Variants in EOMES observed in about 807,000 individuals in gnomAD.
EOMES encodes the protein eomesodermin homolog.
In EOMES, 18 loss-of-function variants were observed where a neutral mutation model predicts 61.0. That is an observed-to-expected ratio of 0.30 (90% CI 0.20 to 0.44). The LOEUF (loss-of-function observed/expected upper bound fraction) is 0.44. EOMES is among the 20% of genes least tolerant of loss of function. The pLI is 1.00. For missense variants in EOMES, 885 were observed against 939.2 expected (o/e 0.94, Z 0.75); for synonymous variants, 430 against 394.0 (o/e 1.09, Z -1.08).
chr3:27,721,794 C>T lies in EOMES; in HGVS notation c.501G>A (p.Ala167=). 6.7e-7 allele frequency: 1 copy of T among 1,503,140 alleles called. No homozygotes were observed. The highest frequency in any genetic ancestry group is 1.3e-5 in the South Asian group (1 of 75,542). The allele number at this position is 1,503,140 out of a possible 1,614,324, so 93.1% of individuals were successfully genotyped here. A position where few individuals can be genotyped will look rare whatever the true frequency, so the allele number is the denominator to read the frequency against. The part of the protein sequence containing the change: ...AAPCSLFPYQ[A]AAGAPHGPVY... ...CAGGTCCGTGGGGCGCCCCAGCCGC[C>T]GCCTGGTACGGGAAGAGTGAGCAGG... The change falls in exon 1 of 6, where the codon GCG becomes GCA. Residue 167 remains alanine, a synonymous_variant. Transcript: ENST00000449599. The surrounding 1 kb of genome is among the most constrained non-coding windows in gnomAD (Gnocchi z 7.4).
chr3:27,722,194 C>A lies in EOMES; in HGVS notation c.101G>T (p.Gly34Val), dbSNP rs755427204. The A allele has an allele frequency of 6.3e-7, 1 of 1,599,434 alleles. No individual in the cohort carries two copies. Among genetic ancestry groups the A allele is most frequent in the Non-Finnish European group, 8.5e-7 (1 of 1,174,566 alleles). Residue 34 changes from glycine to valine, a missense_variant, in exon 1 of 6, where the codon GGC (glycine) becomes GTC (valine). Around this residue, in one of 3 missense-constraint regions of EOMES, gnomAD observed 449 missense variants for 383.6 expected, o/e 1.17. Coordinates refer to ENST00000449599, the MANE Select transcript of EOMES (RefSeq NM_001278182.2). ...SARGGSGGSA[G>V]HLPSAAPSPQ... ...AGAGGGGGCCGCGCTGGGGAGGTGG[C>A]CAGCGCTCCCGCCGCTGCCGCCTCG...
rs1312084951 is a variant in EOMES at position 27,722,260 on chromosome 3, A to C, written c.35T>G (p.Val12Gly). Residue 12 changes from valine (V) to glycine (G), a missense_variant, in exon 1 of 6, where the codon GTG becomes GGG. Transcript: ENST00000449599. Reference protein sequence around the residue: ...QLGEQLLVSSVNLPGAHFYPL... With the variant: ...QLGEQLLVSSGNLPGAHFYPL... ...GTAGAAGTGCGCGCCAGGCAGGTTC[A>C]CTGAGCTCACCAAGAGCTGCTCCCC... 1 of 1,601,318 alleles carries C rather than the reference A, an allele frequency of 6.2e-7. No individual in the cohort carries two copies. Among genetic ancestry groups the C allele is most frequent in the South Asian group, 1.1e-5 (1 of 90,002 alleles).
rs2060579082 is a variant in EOMES at position 27,717,628 on chromosome 3, G to T, written c.1560C>A (p.Gly520=). The change falls in exon 6 of 6, where the codon GGC becomes GGA. Residue 520 remains glycine, a synonymous_variant. Transcript: ENST00000449599. This position sits in a 1 kb window ranked among gnomAD's most constrained non-coding sequence, Gnocchi z 4.5. ...CTTCGCTCTGTTGGGGTGAAAGGAG[G>T]CCGTTGGTCTGTGGCACGGTTCTCT... ...NGERTVPQTN[G]LLSPQQSEEV... is the part of the protein sequence containing the mutation. 1 of 1,614,020 alleles carries T rather than the reference G, an allele frequency of 6.2e-7. No homozygotes were observed. The highest frequency in any genetic ancestry group is 8.5e-7 in the Non-Finnish European group (1 of 1,180,032).
chr3:27,722,170 GA>G lies in EOMES; in HGVS notation c.124del (p.Ser42LeufsTer7). 9 of 1,587,942 alleles carry G rather than the reference GA, an allele frequency of 5.7e-6. No homozygotes were observed. The highest frequency in any genetic ancestry group is 7.7e-6 in the Non-Finnish European group (9 of 1,168,348). ...SAGHLPSAAP[S>X]PQKLDLDKAS... Reference sequence around the variant, plus strand: ...TTTGTCTAAGTCCAACTTCTGAGGAGAGGGGGCCGCGCTGGGGAGGTGGCCA... The same window carrying G: ...TTTGTCTAAGTCCAACTTCTGAGGAGGGGGGCCGCGCTGGGGAGGTGGCCA... On this transcript the variant is annotated frameshift_variant, in exon 1 of 6. Coordinates refer to ENST00000449599, the MANE Select transcript of EOMES (RefSeq NM_001278182.2). LOFTEE classifies it high-confidence loss of function.
upstream of EOMES, chr3:27,722,680 G>T (rs2060626234): frequency 1.1e-5 from 11 of 1,017,440 alleles, no homozygotes; most frequent in Non-Finnish European, 1.3e-5. Flanking sequence ...TTTTTCAATT[G>T]CCAAAGCATC....
In EOMES at chr3:27,717,067, T is replaced by C. The variant is rs766406051; in HGVS notation, c.*3A>G. On this transcript the variant is annotated 3_prime_UTR_variant, in exon 6 of 6. Coordinates refer to ENST00000449599, the MANE Select transcript of EOMES (RefSeq NM_001278182.2). This position sits in a 1 kb window ranked among gnomAD's most constrained non-coding sequence, Gnocchi z 4.5. ...AGCTAATTTTTGAGGTTAAAATAAC[T>C]CTTTAGGGAGTTGTGTAAAAAGCAT... 2 of 1,595,894 alleles carry C rather than the reference T, an allele frequency of 1.3e-6. No homozygotes were observed. Among genetic ancestry groups the C allele is most frequent in the South Asian group, 1.1e-5 (1 of 89,756 alleles).
upstream of EOMES, chr3:27,722,483 C>T (rs1477801207): frequency 7.4e-7 from 1 of 1,350,458 alleles, no homozygotes; most frequent in Non-Finnish European, 9.4e-7. Context: ...AATCCAGCGT[C>T]CTTTCCGGAA....
rs775706900 is a variant in EOMES at position 27,717,047 on chromosome 3, A to C, written c.*23T>G. The C allele has an allele frequency of 6.4e-7, 1 of 1,564,938 alleles. No homozygotes were observed. The highest frequency in any genetic ancestry group is 1.4e-5 in the African/African-American group (1 of 73,166). ...AAGTCCATCTGCAAAAAGTTAGCTA[A>C]TTTTTGAGGTTAAAATAACTCTTTA... is the stretch of plus-strand genomic sequence containing the variant. On this transcript the variant is annotated 3_prime_UTR_variant, in exon 6 of 6. Coordinates refer to ENST00000449599, the MANE Select transcript of EOMES (RefSeq NM_001278182.2). The surrounding 1 kb of genome is among the most constrained non-coding windows in gnomAD (Gnocchi z 4.5).
At position 27,721,201 on chromosome 3, in the gene EOMES, CG is replaced by C. The variant is rs1158941959; in HGVS notation, c.881+212del. Among the ~76,000 whole-genome samples, 3 of 152,096 alleles carry C rather than the reference CG, an allele frequency of 2.0e-5. No individual in the cohort carries two copies. The highest frequency in any genetic ancestry group is 7.2e-5 in the African/African-American group (3 of 41,416). ...ATGGGAGGGAAAAGCGGTGTACAGC[CG>C]TAACATTGGCACCCTGCAAGAGCCG... On this transcript the variant is annotated intron_variant, in intron 1 of 5. Coordinates refer to ENST00000449599, the MANE Select transcript of EOMES (RefSeq NM_001278182.2). The surrounding 1 kb of genome is among the most constrained non-coding windows in gnomAD (Gnocchi z 7.4).
rs2060569547 is a variant in EOMES, at chr3:27,716,400, G to GT, written c.*669_*670insA. On this transcript the variant is annotated 3_prime_UTR_variant, in exon 6 of 6. Coordinates refer to ENST00000449599, the MANE Select transcript of EOMES (RefSeq NM_001278182.2). ...CCTTTTTTTTTTTTTTTTTTTTGGT[G>GT]ACTCCTTAGCTTGCTCTCTCCTGAG... 1.2e-5 allele frequency: 1 copy of GT among 83,776 alleles called. No homozygotes were observed. The highest frequency in any genetic ancestry group is 5.1e-5 in the African/African-American group (1 of 19,572). 5.2% of individuals were successfully genotyped at this position (83,776 alleles called of 1,614,324 possible).
At position 27,716,978 on chromosome 3, in the gene EOMES, T is replaced by A; in HGVS notation, c.*92A>T. 2 of 977,060 alleles carry A rather than the reference T, an allele frequency of 2.0e-6. No individual in the cohort carries two copies. The highest frequency in any genetic ancestry group is 3.1e-6 in the Non-Finnish European group (2 of 653,462). 60.5% of individuals were successfully genotyped at this position (977,060 alleles called of 1,614,324 possible). A position where few individuals can be genotyped will look rare whatever the true frequency, so the allele number is the denominator to read the frequency against. Reference sequence around the variant, plus strand: ...GATGCATCAAGGTGGAAGGCAAACATCTTTTTGGCAACCTAGGCAAAGAAG... The same window carrying A: ...GATGCATCAAGGTGGAAGGCAAACAACTTTTTGGCAACCTAGGCAAAGAAG... On this transcript the variant is annotated 3_prime_UTR_variant, in exon 6 of 6. Transcript: ENST00000449599.
In EOMES at chr3:27,720,209, T is replaced by C; in HGVS notation, c.998A>G (p.Lys333Arg). 6.2e-7 allele frequency: 1 copy of C among 1,608,276 alleles called. No homozygotes were observed. The highest frequency in any genetic ancestry group is 8.5e-7 in the Non-Finnish European group (1 of 1,177,034). The stretch of plus-strand genomic sequence containing the variant: ...GTCGGCTTTGCCACAGGTCACCCAT[T>C]TGCCCCCCTGGAAGCGCCAGTGGTT... ...DPNHWRFQGG[K>R]WVTCGKADNN... is the part of the protein sequence containing the mutation. Residue 333 changes from lysine (K) to arginine (R), a missense_variant, in exon 2 of 6, where the codon AAA (lysine) becomes AGA (arginine). Physicochemically the swap from Lys to Arg is conservative, Grantham distance 26. Transcript: ENST00000449599.
chr3:27,717,612 G>C lies in EOMES; in HGVS notation c.1576C>G (p.Gln526Glu). The change falls in exon 6 of 6, where the codon CAG (glutamine) becomes GAG (glutamate). Residue 526 changes from glutamine to glutamate, a missense_variant. Coordinates refer to ENST00000449599, the MANE Select transcript of EOMES (RefSeq NM_001278182.2). This position sits in a 1 kb window ranked among gnomAD's most constrained non-coding sequence, Gnocchi z 4.5. ...GGAGGGTTGGCCACCTCTTCGCTCT[G>C]TTGGGGTGAAAGGAGGCCGTTGGTC... ...PQTNGLLSPQ[Q>E]SEEVANPPQR... is the part of the protein sequence containing the mutation. The C allele has an allele frequency of 6.2e-7, 1 of 1,614,118 alleles. No individual in the cohort carries two copies. The highest frequency in any genetic ancestry group is 8.5e-7 in the Non-Finnish European group (1 of 1,179,990).
Position 27,720,238 on chromosome 3 carries a change from G to A in EOMES, c.969C>T (p.Asp323=). The A allele has an allele frequency of 6.2e-7, 1 of 1,613,072 alleles. No homozygotes were observed. Among genetic ancestry groups the A allele is most frequent in the Non-Finnish European group, 8.5e-7 (1 of 1,179,570 alleles). ...YNVFVEVVLA[D]PNHWRFQGGK... ...CCCCCTGGAAGCGCCAGTGGTTGGG[G>A]TCCGCCAGCACCACCTCTACGAACA... Residue 323 remains aspartate, a synonymous_variant, in exon 2 of 6, where the codon GAC becomes GAT. Coordinates refer to ENST00000449599, the MANE Select transcript of EOMES (RefSeq NM_001278182.2).
At position 27,717,267 on chromosome 3, in the gene EOMES, G is replaced by T. The variant is rs760414625; in HGVS notation, c.1921C>A (p.Pro641Thr). ...GAATCTAGAGATTTGATGGAAGGGGGTGTCTCTATCCAAGAAGAGCCAATT... is the reference window on the plus strand; with the variant it reads ...GAATCTAGAGATTTGATGGAAGGGGTTGTCTCTATCCAAGAAGAGCCAATT... ...EEIGSSWIET[P>T]PSIKSLDSND... Residue 641 changes from proline to threonine, a missense_variant, in exon 6 of 6, where the codon CCC (proline) becomes ACC (threonine). Coordinates refer to ENST00000449599, the MANE Select transcript of EOMES (RefSeq NM_001278182.2). The surrounding 1 kb of genome is among the most constrained non-coding windows in gnomAD (Gnocchi z 4.5). The T allele has an allele frequency of 2.5e-6, 4 of 1,613,090 alleles. No individual in the cohort carries two copies. Among genetic ancestry groups the T allele is most frequent in the Non-Finnish European group, 3.4e-6 (4 of 1,179,146 alleles).
chr3:27,720,301 G>T lies in EOMES; in HGVS notation c.906C>A (p.Phe302Leu). The change falls in exon 2 of 6, where the codon TTC becomes TTA. Residue 302 changes from phenylalanine (F) to leucine (L), a missense_variant. Physicochemically the swap from Phe to Leu is conservative, Grantham distance 22. Around this residue, in one of 3 missense-constraint regions of EOMES, gnomAD observed 177 missense variants for 273.3 expected, o/e 0.65. Transcript: ENST00000449599. ...QGRRMFPFLS[F>L]NINGLNPTAH... Reference sequence around the variant, plus strand: ...CAGTGGGATTGAGTCCGTTTATGTTGAAGCTCAAGAAAGGAAACATGCGCC... The same window carrying T: ...CAGTGGGATTGAGTCCGTTTATGTTTAAGCTCAAGAAAGGAAACATGCGCC... 1 of 1,613,938 alleles carries T rather than the reference G, an allele frequency of 6.2e-7. No homozygotes were observed. Among genetic ancestry groups the T allele is most frequent in the Non-Finnish European group, 8.5e-7 (1 of 1,179,888 alleles).
At position 27,717,725 on chromosome 3, in the gene EOMES, C is replaced by T. The variant is rs139803105; in HGVS notation, c.1463G>A (p.Arg488Gln). Residue 488 changes from arginine (R) to glutamine (Q), a missense_variant, in exon 6 of 6, where the codon CGG becomes CAG. Coordinates refer to ENST00000449599, the MANE Select transcript of EOMES (RefSeq NM_001278182.2). The surrounding 1 kb of genome is among the most constrained non-coding windows in gnomAD (Gnocchi z 4.5). ...CGGGAAGAAGGATTGAACGCCGTAC[C>T]GACCTCCAGGGACAATCTGATGGGA... is the stretch of plus-strand genomic sequence containing the variant. ...PRSHQIVPGGRYGVQSFFPEP... is the reference protein window; with the variant it reads ...PRSHQIVPGGQYGVQSFFPEP... 24 of 1,613,548 alleles carry T rather than the reference C, an allele frequency of 1.5e-5. No individual in the cohort carries two copies. Among genetic ancestry groups the T allele is most frequent in the Non-Finnish European group, 1.9e-5 (22 of 1,179,880 alleles).
Position 27,717,264 on chromosome 3 carries a change from G to T in EOMES, c.1924C>A (p.Pro642Thr). 1.2e-6 allele frequency: 2 copies of T among 1,613,614 alleles called. No homozygotes were observed. Among genetic ancestry groups the T allele is most frequent in the South Asian group, 2.2e-5 (2 of 91,072 alleles). ...TTGGAATCTAGAGATTTGATGGAAG[G>T]GGGTGTCTCTATCCAAGAAGAGCCA... ...EIGSSWIETP[P>T]SIKSLDSNDS... is the part of the protein sequence containing the mutation. Residue 642 changes from proline (P) to threonine (T), a missense_variant, in exon 6 of 6, where the codon CCT becomes ACT. Physicochemically the swap from Pro to Thr is conservative, Grantham distance 38. Around this residue, in one of 3 missense-constraint regions of EOMES, gnomAD observed 259 missense variants for 282.3 expected, o/e 0.92. Transcript: ENST00000449599. This position sits in a 1 kb window ranked among gnomAD's most constrained non-coding sequence, Gnocchi z 4.5.
Position 27,717,845 on chromosome 3 carries a change from A to AC in EOMES, c.1380-38_1380-37insG, listed in dbSNP as rs2060581587. The AC allele has an allele frequency of 2.8e-6, 4 of 1,421,220 alleles. No individual in the cohort carries two copies. The highest frequency in any genetic ancestry group is 3.7e-6 in the Non-Finnish European group (4 of 1,069,614). 88.0% of individuals were successfully genotyped at this position (1,421,220 alleles called of 1,614,324 possible). On this transcript the variant is annotated intron_variant, in intron 5 of 5. Transcript: ENST00000449599. This position sits in a 1 kb window ranked among gnomAD's most constrained non-coding sequence, Gnocchi z 4.5. Reference sequence around the variant, plus strand: ...AGAGAAACACTTAAAAAAAAAAAAAAACCCTAATGTTGTCCCCAAACAAAC... The same window carrying AC: ...AGAGAAACACTTAAAAAAAAAAAAAACACCCTAATGTTGTCCCCAAACAAAC...
Sources: gnomAD v4.1 joint callset for allele counts (sites outside exome capture counted in the v4.1 genomes callset) on GRCh38, gnomAD v4.1.1 for gene constraint, gnomAD v4.1.1 regional missense constraint, Gnocchi (gnomAD v3.1) non-coding constraint, MANE v1.5 for transcripts, NCBI Gene and HGNC (gene_info 2026-07-23, HGNC 2026-07-21) for gene names.